CACNA1B: variants seen among roughly 807,000 people sequenced by gnomAD.
CACNA1B encodes the protein voltage-dependent N-type calcium channel subunit alpha-1B.
Under a neutral mutation model 247.2 loss-of-function variants are expected in CACNA1B, and 70 were observed. The observed-to-expected ratio is 0.28, with a 90% CI of 0.23 to 0.35. The LOEUF (loss-of-function observed/expected upper bound fraction) is 0.35. Among genes scored for constraint, CACNA1B ranks in the 10% least tolerant of loss-of-function variants. The pLI is 1.00. For missense variants in CACNA1B, 2,367 were observed against 3,197.4 expected (o/e 0.74, Z 6.26); for synonymous variants, 1,231 against 1,294.4 (o/e 0.95, Z 1.05).
intron 10 of CACNA1B, among the ~76,000 whole-genome samples, chr9:137,969,320 T>C (rs538941453): frequency 9.2e-5 from 14 of 152,362 alleles, no homozygotes; most frequent in African/African-American, 3.4e-4. Context: ...AGTGTGGTTC[T>C]GTGCAAATAC....
At chr9:138,080,847 A>T (rs1299356932) in intron 36 of CACNA1B, among the ~76,000 whole-genome samples, 1 of 152,196 alleles carries the variant, frequency 6.6e-6, no homozygotes, top group East Asian at 1.9e-4. Flanking sequence ...TGCAGGGTGC[A>T]GTAGGAGGTT....
intron 15 of CACNA1B, among the ~76,000 whole-genome samples, chr9:138,003,630 A>G (rs1958608828): frequency 6.6e-6 from 1 of 152,190 alleles, no homozygotes; most frequent in South Asian, 2.1e-4. Context: ...ATAGAGTATT[A>G]GTATATACAA....
rs563823385 is a variant in CACNA1B at position 137,879,255 on chromosome 9, G to A, written c.390+96G>A. 1.9e-5 allele frequency: 15 copies of A among 787,896 alleles called. 1 individual carries two copies. The highest frequency in any genetic ancestry group is 1.9e-4 in the African/African-American group (11 of 58,586). The allele number at this position is 787,896 out of a possible 1,614,324, so 48.8% of individuals were successfully genotyped here. A position where few individuals can be genotyped will look rare whatever the true frequency, so the allele number is the denominator to read the frequency against. ...GCCTGAGAACAGCTTCCTCGGGCAG[G>A]GTCGTCTGGGCAGTGCCCCTCGCGT... On this transcript the variant is annotated intron_variant, in intron 2 of 46. Coordinates refer to ENST00000371372, the MANE Select transcript of CACNA1B (RefSeq NM_000718.4).
intron 6 of CACNA1B, among the ~76,000 whole-genome samples, chr9:137,923,840 TA>T (rs1957519257): frequency 6.6e-6 from 1 of 152,208 alleles, no homozygotes; most frequent in Non-Finnish European, 1.5e-5. Flanking sequence ...GCCATTCTGA[TA>T]GGGGTATAGT....
At chr9:138,099,374 A>G (rs1420459593) in intron 37 of CACNA1B, among the ~76,000 whole-genome samples, 1 of 152,022 alleles carries the variant, frequency 6.6e-6, no homozygotes, top group African/African-American at 2.4e-5. Context: ...AGTGAACTGA[A>G]TGTGCGTGCA....
At chr9:137,943,626 G>T (rs901692290) in intron 6 of CACNA1B, among the ~76,000 whole-genome samples, 9 of 152,132 alleles carry the variant, frequency 5.9e-5, no homozygotes, top group African/African-American at 2.2e-4. Flanking sequence ...TAAAGACAAA[G>T]AGTATATTTG....
At chr9:138,109,318 T>G (rs554447189) in intron 39 of CACNA1B, among the ~76,000 whole-genome samples, 23 of 152,364 alleles carry the variant, frequency 1.5e-4, no homozygotes, top group Admixed American at 3.3e-4. Context: ...ACATGCCGTT[T>G]TAGCTTGCTC....
chr9:138,108,005 C>G (rs958251969), intron 39 of CACNA1B, among the ~76,000 whole-genome samples: 74 of 148,894 alleles, frequency 5.0e-4, no homozygotes, highest in Non-Finnish European at 9.5e-4. Flanking sequence ...GAATAGATAA[C>G]CTTCAGTTTC....
In CACNA1B at chr9:137,957,674, T is replaced by G; in HGVS notation, c.1320T>G (p.Asp440Glu). ...AGGAGGGAGAGGACCGGTTTGCAGA[T>G]CTCTGTGCTGTTGGTGAGTCTCAGG... The part of the protein sequence containing the change: ...HAEEGEDRFA[D>E]LCAVGSPFAR... The change falls in exon 10 of 47, where the codon GAT becomes GAG. Residue 440 changes from aspartate (D) to glutamate (E), a missense_variant. Asp to Glu is a conservative substitution (Grantham distance 45). Coordinates refer to ENST00000371372, the MANE Select transcript of CACNA1B (RefSeq NM_000718.4). The surrounding 1 kb of genome is among the most constrained non-coding windows in gnomAD (Gnocchi z 4.7). 1 of 1,597,696 alleles carries G rather than the reference T, an allele frequency of 6.3e-7. No individual in the cohort carries two copies. The highest frequency in any genetic ancestry group is 2.3e-5 in the East Asian group (1 of 44,212).
chr9:138,084,329 G>A (rs1960625227), intron 36 of CACNA1B, among the ~76,000 whole-genome samples: 1 of 151,158 alleles, frequency 6.6e-6, no homozygotes, highest in Non-Finnish European at 1.5e-5. Context: ...GATACCAAGA[G>A]GTGTCCCCTC....
rs568555258 is a variant in CACNA1B at position 138,049,653 on chromosome 9, G to T, written c.3710+338G>T. On this transcript the variant is annotated intron_variant, in intron 24 of 46. Transcript: ENST00000371372. Reference sequence around the variant, plus strand: ...GACCGGGCGGCACAGCCTCTGGTGTGTCCAGCGTTTGCCTCCCAGGGTCCT... The same window carrying T: ...GACCGGGCGGCACAGCCTCTGGTGTTTCCAGCGTTTGCCTCCCAGGGTCCT... Among the ~76,000 whole-genome samples the T allele has an allele frequency of 2.0e-3, 306 of 152,320 alleles. 1 individual carries two copies. Among genetic ancestry groups the T allele is most frequent in the Non-Finnish European group, 3.2e-3 (215 of 68,018 alleles).
At chr9:138,037,910 G>T (rs886962602) in intron 20 of CACNA1B, among the ~76,000 whole-genome samples, 1 of 152,170 alleles carries the variant, frequency 6.6e-6, no homozygotes, top group Admixed American at 6.5e-5. Flanking sequence ...TTCAGTGAGG[G>T]TCGCAAAATG....
In CACNA1B at chr9:138,057,705, T is replaced by G. The variant is rs200966573; in HGVS notation, c.3969-27T>G. 2.0e-5 allele frequency: 32 copies of G among 1,587,486 alleles called. No individual in the cohort carries two copies. Among genetic ancestry groups the G allele is most frequent in the Non-Finnish European group, 2.7e-5 (31 of 1,159,484 alleles). On this transcript the variant is annotated intron_variant, in intron 26 of 46. Coordinates refer to ENST00000371372, the MANE Select transcript of CACNA1B (RefSeq NM_000718.4). This position sits in a 1 kb window ranked among gnomAD's most constrained non-coding sequence, Gnocchi z 4.0. ...TTATTTGGATCTTTTGTCTTTGCCCTCTAACCTCCCATGTTCTCATTCCTA... is the reference window on the plus strand; with the variant it reads ...TTATTTGGATCTTTTGTCTTTGCCCGCTAACCTCCCATGTTCTCATTCCTA...
rs1957929415 is a variant in CACNA1B at position 137,954,949 on chromosome 9, C to A, written c.1071-749C>A. ...ATGGCTTGCTTCTGGCACTGTGAGC[C>A]TTAAAGCTTGGCCAGGAGGCTGGGG... On this transcript the variant is annotated intron_variant, in intron 7 of 46. Transcript: ENST00000371372. This position sits in a 1 kb window ranked among gnomAD's most constrained non-coding sequence, Gnocchi z 4.1. Among the ~76,000 whole-genome samples the A allele has an allele frequency of 6.6e-6, 1 of 151,028 alleles. No homozygotes were observed. The highest frequency in any genetic ancestry group is 1.5e-5 in the Non-Finnish European group (1 of 67,880).
chr9:137,951,602 G>A (rs923100156), intron 6 of CACNA1B, among the ~76,000 whole-genome samples: 13 of 152,248 alleles, frequency 8.5e-5, no homozygotes, highest in African/African-American at 2.9e-4. Context: ...CCCTGGGAAT[G>A]CATAAAAATG....
chr9:138,060,386 G>A (rs143155961), intron 31 of CACNA1B, among the ~76,000 whole-genome samples: 2 of 152,300 alleles, frequency 1.3e-5, no homozygotes, highest in East Asian at 3.9e-4. Flanking sequence ...CTTAAGTTAT[G>A]TTCCCAGTAG....
Position 137,882,658 on chromosome 9 carries a change from G to C in CACNA1B, c.391-86G>C. 1 of 1,495,104 alleles carries C rather than the reference G, an allele frequency of 6.7e-7. No homozygotes were observed. Among genetic ancestry groups the C allele is most frequent in the Non-Finnish European group, 9.3e-7 (1 of 1,080,924 alleles). The allele number at this position is 1,495,104 out of a possible 1,614,324, so 92.6% of individuals were successfully genotyped here. A position where few individuals can be genotyped will look rare whatever the true frequency, so the allele number is the denominator to read the frequency against. Reference sequence around the variant, plus strand: ...TCACGATAGCTGTGGCCTGCACATGGTGGGGTGGGGTCCTCACCAACCGTC... The same window carrying C: ...TCACGATAGCTGTGGCCTGCACATGCTGGGGTGGGGTCCTCACCAACCGTC... On this transcript the variant is annotated intron_variant, in intron 2 of 46. Transcript: ENST00000371372. The surrounding 1 kb of genome is among the most constrained non-coding windows in gnomAD (Gnocchi z 4.0).
At chr9:137,997,686 A>T (rs1334578560) in intron 15 of CACNA1B, among the ~76,000 whole-genome samples, 1 of 152,210 alleles carries the variant, frequency 6.6e-6, no homozygotes, top group Non-Finnish European at 1.5e-5. Flanking sequence ...TTTAGAGAAG[A>T]AGTGGAGAAA....
chr9:138,120,603 G>T, intron 45 of CACNA1B, 28 bp from the exon 46 acceptor site: 1 of 1,477,252 alleles, frequency 6.8e-7, no homozygotes, highest in Non-Finnish European at 9.0e-7. Context: ...GGGCCTGGCC[G>T]TGCTAACTTC....
Sources: allele counts gnomAD v4.1 joint callset (sites outside exome capture counted in the v4.1 genomes callset), GRCh38; gene constraint gnomAD v4.1.1; non-coding constraint Gnocchi (gnomAD v3.1); transcripts MANE v1.5; gene names NCBI Gene and HGNC (gene_info 2026-07-23, HGNC 2026-07-21).